NELL2: variants seen among roughly 807,000 people sequenced by gnomAD.
The protein encoded by NELL2 is protein kinase C-binding protein NELL2.
NELL2 carries 41 observed loss-of-function variants against 109.6 expected under a neutral mutation model. The ratio of observed to expected loss-of-function variants is 0.37; its 90% CI spans 0.29 to 0.49. The LOEUF is 0.49. NELL2 is among the 20% of genes least tolerant of loss of function. The probability of loss-of-function intolerance (pLI) is 0.98; values close to 1 mark genes in which losing one functional copy is unlikely to be tolerated. For synonymous variants in NELL2, 355 were observed against 344.7 expected (o/e 1.03, Z -0.33); for missense variants, 900 against 1,008.3 (o/e 0.89, Z 1.45).
At chr12:44,523,258 T>A (rs1941618963) in intron 17 of NELL2, 33 bp downstream of exon 17, 4 of 1,609,868 alleles carry the variant, frequency 2.5e-6, no homozygotes, top group Non-Finnish European at 3.4e-6. Context: ...TACAACTGAA[T>A]AAAATTAATT....
In NELL2 at chr12:44,852,477, G is replaced by A. The variant is rs565417045; in HGVS notation, c.184+22748C>T. On this transcript the variant is annotated intron_variant, in intron 2 of 19. Transcript: ENST00000429094. Reference sequence around the variant, plus strand: ...GCTTTGTTACACACAGATGGGAACAGTTTAAACATTCCCTCTCTTTTCTTC... The same window carrying A: ...GCTTTGTTACACACAGATGGGAACAATTTAAACATTCCCTCTCTTTTCTTC... Among the ~76,000 whole-genome samples, 30 of 152,292 alleles carry A rather than the reference G, an allele frequency of 2.0e-4. No individual in the cohort carries two copies. The South Asian group carries it at 6.2e-3, about 32-fold the overall frequency.
intron 12 of NELL2, among the ~76,000 whole-genome samples, chr12:44,686,572 G>T (rs990827841): frequency 6.6e-6 from 1 of 152,066 alleles, no homozygotes; most frequent in East Asian, 1.9e-4. Context: ...TTTGATGATG[G>T]TGATGTACAG....
intron 9 of NELL2, among the ~76,000 whole-genome samples, chr12:44,733,597 T>C (rs1939486591): frequency 6.6e-6 from 1 of 151,962 alleles, no homozygotes; most frequent in African/African-American, 2.4e-5. Flanking sequence ...GTTATAGAGT[T>C]TCAGTCATGA....
upstream of NELL2, among the ~76,000 whole-genome samples, chr12:44,880,140 C>CAG (rs59747538): frequency 4.5e-4 from 67 of 147,514 alleles, 1 homozygote; most frequent in African/African-American, 1.3e-3. Context: ...CACACACACA[C>CAG]AGAGAGAGAG....
At chr12:44,518,933 G>T (rs1018588173) in intron 19 of NELL2, among the ~76,000 whole-genome samples, 31 of 152,286 alleles carry the variant, frequency 2.0e-4, no homozygotes, top group African/African-American at 6.5e-4. Context: ...CACTCAAAAA[G>T]CTTTGCTTGA....
chr12:44,622,543 A>G (rs1009100570), intron 13 of NELL2, among the ~76,000 whole-genome samples: 5 of 152,194 alleles, frequency 3.3e-5, no homozygotes, highest in African/African-American at 1.2e-4. Context: ...TACACCAGAA[A>G]AAAGTACCTC....
chr12:44,878,928 G>A (rs118072987), upstream of NELL2, among the ~76,000 whole-genome samples: 42 of 152,274 alleles, frequency 2.8e-4, no homozygotes, highest in Non-Finnish European at 4.0e-4. Flanking sequence ...ACCTCACATG[G>A]CAAAGGGGAT....
chr12:44,768,096 G>T (rs1450552), intron 9 of NELL2, among the ~76,000 whole-genome samples: 1 of 152,152 alleles, frequency 6.6e-6, no homozygotes, highest in Admixed American at 6.5e-5. Flanking sequence ...CCCTGGCATT[G>T]CAGCTCTGCT....
chr12:44,520,453 A>C (rs1299517971), intron 18 of NELL2, among the ~76,000 whole-genome samples: 1 of 152,226 alleles, frequency 6.6e-6, no homozygotes, highest in Non-Finnish European at 1.5e-5. Flanking sequence ...AACAATCTTC[A>C]GGATTTAAAT....
intron 3 of NELL2, among the ~76,000 whole-genome samples, chr12:44,791,107 ATGTATATATATATG>A (rs1942391347): frequency 8.8e-5 from 2 of 22,676 alleles, no homozygotes; most frequent in Admixed American, 4.8e-4. Flanking sequence ...GTATATATAT[ATGTATATATATATG>A]TATATATATA....
chr12:44,821,890 TTTA>T (rs1416671407), intron 2 of NELL2, among the ~76,000 whole-genome samples: 2 of 58,352 alleles, frequency 3.4e-5, no homozygotes, highest in Admixed American at 2.0e-4. Context: ...GCTGGTTTTA[TTTA>T]TTTATTTATT....
At chr12:44,709,889 G>A (rs1249340898) in intron 11 of NELL2, among the ~76,000 whole-genome samples, 2 of 152,152 alleles carry the variant, frequency 1.3e-5, no homozygotes, top group Non-Finnish European at 2.9e-5. Flanking sequence ...ATATCAAATT[G>A]CACACATGCT....
At chr12:44,545,098 G>T (rs1184854088) in intron 15 of NELL2, among the ~76,000 whole-genome samples, 1 of 151,940 alleles carries the variant, frequency 6.6e-6, no homozygotes, top group Non-Finnish European at 1.5e-5. Flanking sequence ...ATGGCCTTTT[G>T]ATATATATTT....
chr12:44,647,937 G>A (rs930961801), intron 13 of NELL2, among the ~76,000 whole-genome samples: 1 of 152,134 alleles, frequency 6.6e-6, no homozygotes, highest in Admixed American at 6.5e-5. Flanking sequence ...CCAGTTACTA[G>A]GTGATGCATC....
intron 2 of NELL2, among the ~76,000 whole-genome samples, chr12:44,838,740 A>T (rs1232574901): frequency 1.3e-5 from 2 of 152,240 alleles, no homozygotes; most frequent in South Asian, 4.1e-4. Context: ...ATAACCAGAC[A>T]TGTCTACAGC....
intron 19 of NELL2, among the ~76,000 whole-genome samples, chr12:44,511,378 CT>C (rs1484100541): frequency 6.6e-6 from 1 of 152,176 alleles, no homozygotes; most frequent in African/African-American, 2.4e-5. Context: ...CAGGCAGACA[CT>C]ACAGCAGTTT....
At chr12:44,771,092 C>T (rs1325908013) in intron 9 of NELL2, among the ~76,000 whole-genome samples, 1 of 151,956 alleles carries the variant, frequency 6.6e-6, no homozygotes, top group Non-Finnish European at 1.5e-5. Context: ...GTTAAGGTCA[C>T]CTAAAATATT....
At chr12:44,545,676 A>G (rs1341386029) in intron 15 of NELL2, among the ~76,000 whole-genome samples, 1 of 152,130 alleles carries the variant, frequency 6.6e-6, no homozygotes, top group Non-Finnish European at 1.5e-5. Context: ...ACTCCTACAC[A>G]TGCTAGAAAA....
At chr12:44,879,277 G>A (rs896297895), upstream of NELL2, among the ~76,000 whole-genome samples, 2 of 152,148 alleles carry the variant, frequency 1.3e-5, no homozygotes, top group African/African-American at 4.8e-5. Flanking sequence ...GACTGTTTTA[G>A]ACTTCTGAAC....
Sources: allele counts gnomAD v4.1 joint callset (sites outside exome capture counted in the v4.1 genomes callset), GRCh38; gene constraint gnomAD v4.1.1; transcripts MANE v1.5; gene names NCBI Gene and HGNC (gene_info 2026-07-23, HGNC 2026-07-21).